OGDH: variants seen among roughly 807,000 people sequenced by gnomAD.
OGDH encodes the protein oxoglutarate dehydrogenase, also known as 2-oxoglutarate dehydrogenase complex component E1.
In OGDH, 38 loss-of-function variants were observed where a neutral mutation model predicts 116.6. That is an observed-to-expected ratio of 0.33 (90% confidence interval 0.25 to 0.43). The LOEUF (loss-of-function observed/expected upper bound fraction) is 0.43. OGDH is among the 20% of genes least tolerant of loss of function. The probability of loss-of-function intolerance (pLI) is 1.00; values close to 1 mark genes in which losing one functional copy is unlikely to be tolerated. For synonymous variants in OGDH, 488 were observed against 533.3 expected (o/e 0.92, Z 1.17); for missense variants, 825 against 1,357.2 (o/e 0.61, Z 6.16).
At chr7:44,633,185 G>A (rs990079477) in intron 2 of OGDH, among the ~76,000 whole-genome samples, 12 of 148,616 alleles carry the variant, frequency 8.1e-5, no homozygotes, top group African/African-American at 2.2e-4. Flanking sequence ...CCTGGGAGGC[G>A]GAGCTTTTAG....
intron 1 of OGDH, among the ~76,000 whole-genome samples, chr7:44,607,574 C>G (rs1784403188): frequency 6.6e-6 from 1 of 152,142 alleles, no homozygotes; most frequent in Non-Finnish European, 1.5e-5. Flanking sequence ...TAAGGCAGCA[C>G]TAGTTGCAAC....
In OGDH at chr7:44,675,326, G is replaced by A; in HGVS notation, c.1026+58G>A. 6 of 1,372,274 alleles carry A rather than the reference G, an allele frequency of 4.4e-6. No individual in the cohort carries two copies. In the South Asian group the frequency reaches 7.1e-5, roughly 16 times the overall value. The allele number at this position is 1,372,274 out of a possible 1,614,324, so 85.0% of individuals were successfully genotyped here. ...AGCCCCAACTTACACAAGACCCCTGGCTCCACTTCTTTCTTAGAATGACTT... is the reference window on the plus strand; with the variant it reads ...AGCCCCAACTTACACAAGACCCCTGACTCCACTTCTTTCTTAGAATGACTT... On this transcript the variant is annotated intron_variant, in intron 8 of 22. Transcript: ENST00000222673.
intron 2 of OGDH, among the ~76,000 whole-genome samples, chr7:44,635,295 A>G (rs1283748164): frequency 6.6e-6 from 1 of 152,192 alleles, no homozygotes; most frequent in Non-Finnish European, 1.5e-5. Context: ...GTTGATATTT[A>G]TAGCAATTAA....
chr7:44,607,178 C>T (rs1254964887), intron 1 of OGDH, among the ~76,000 whole-genome samples: 1 of 152,200 alleles, frequency 6.6e-6, no homozygotes, highest in African/African-American at 2.4e-5. Flanking sequence ...TTGGGGTGGC[C>T]CTGGGTGGGA....
At chr7:44,626,790 G>A (rs1785224637) in intron 2 of OGDH, among the ~76,000 whole-genome samples, 1 of 152,114 alleles carries the variant, frequency 6.6e-6, no homozygotes, top group Non-Finnish European at 1.5e-5. Context: ...GGCACAGTGT[G>A]GGAATCACAT....
intron 4 of OGDH, among the ~76,000 whole-genome samples, chr7:44,650,523 A>T (rs185003721): frequency 1.3e-5 from 2 of 152,180 alleles, no homozygotes; most frequent in Admixed American, 6.5e-5. Flanking sequence ...GACCTTAACT[A>T]TGCTCCAAGT....
intron 10 of OGDH, among the ~76,000 whole-genome samples, chr7:44,689,524 C>T (rs1788285400): frequency 6.6e-6 from 1 of 150,464 alleles, no homozygotes; most frequent in Non-Finnish European, 1.5e-5. Context: ...CACACATGAG[C>T]CACCGCACCC....
rs778413428 is a variant in OGDH, at chr7:44,707,587, G to A, written c.2802G>A (p.Ser934=). 63 of 1,613,656 alleles carry A rather than the reference G, an allele frequency of 3.9e-5. No individual in the cohort carries two copies. The highest frequency in any genetic ancestry group is 5.1e-5 in the Non-Finnish European group (60 of 1,180,014). Reference sequence around the variant, plus strand: ...TGACCCCTGCTGTCTCCTAGCTGTCGCCATTCCCCTTTGACCTCCTGCTGA... The same window carrying A: ...TGACCCCTGCTGTCTCCTAGCTGTCACCATTCCCCTTTGACCTCCTGCTGA... ...QVAITRIEQL[S]PFPFDLLLKE... Residue 934 remains serine (S), a synonymous_variant, in exon 22 of 23, where the codon TCG becomes TCA. Coordinates refer to ENST00000222673, the MANE Select transcript of OGDH (RefSeq NM_002541.4). The surrounding 1 kb of genome is among the most constrained non-coding windows in gnomAD (Gnocchi z 5.2).
At chr7:44,654,354 A>G (rs1562643850) in intron 4 of OGDH, among the ~76,000 whole-genome samples, 2 of 152,238 alleles carry the variant, frequency 1.3e-5, no homozygotes, top group Non-Finnish European at 2.9e-5. Context: ...CAAAATGTCA[A>G]CTACTTAGTT....
At chr7:44,683,923 A>G (rs1374556814) in intron 10 of OGDH, among the ~76,000 whole-genome samples, 2 of 152,196 alleles carry the variant, frequency 1.3e-5, no homozygotes, top group African/African-American at 4.8e-5. Flanking sequence ...GGTACCAGGC[A>G]GAGCACCGGT....
intron 4 of OGDH, among the ~76,000 whole-genome samples, chr7:44,660,347 T>C (rs904264811): frequency 6.6e-6 from 1 of 152,212 alleles, no homozygotes; most frequent in Non-Finnish European, 1.5e-5. Context: ...CTGGTCATTA[T>C]TGTATTCTTT....
At chr7:44,674,002 T>C in intron 6 of OGDH, 61 bp downstream of exon 6, 1 of 1,601,108 alleles carries the variant, frequency 6.2e-7, no homozygotes. Flanking sequence ...ACCCTGTCTG[T>C]GTTGATCGGG....
chr7:44,673,241 T>C (rs1787547553), intron 5 of OGDH, among the ~76,000 whole-genome samples: 1 of 151,996 alleles, frequency 6.6e-6, no homozygotes. Context: ...TCACTTGAGC[T>C]CAAGAGGTTG....
intron 4 of OGDH, among the ~76,000 whole-genome samples, chr7:44,654,384 C>A (rs568976426): frequency 2.0e-5 from 3 of 152,296 alleles, no homozygotes; most frequent in Admixed American, 6.5e-5. Context: ...CTCTGACAAC[C>A]TGCTGTCATT....
chr7:44,671,732 C>A (rs1354120366), intron 5 of OGDH, among the ~76,000 whole-genome samples: 8 of 138,256 alleles, frequency 5.8e-5, no homozygotes, highest in Non-Finnish European at 9.2e-5. Flanking sequence ...TGCACCACTG[C>A]ACTCCAGTCT....
intron 4 of OGDH, among the ~76,000 whole-genome samples, chr7:44,660,803 C>T (rs1304213494): frequency 6.6e-6 from 1 of 152,158 alleles, no homozygotes; most frequent in Non-Finnish European, 1.5e-5. Context: ...TCGCGCGTGC[C>T]TGTAGTCCTA....
At chr7:44,619,964 A>G (rs2117268365) in intron 1 of OGDH, among the ~76,000 whole-genome samples, 1 of 152,174 alleles carries the variant, frequency 6.6e-6, no homozygotes, top group South Asian at 2.1e-4. Context: ...AATTGCAAAT[A>G]TTTTCTCCCA....
chr7:44,708,237 G>C lies in OGDH; in HGVS notation c.*238G>C, dbSNP rs1208047171. On this transcript the variant is annotated 3_prime_UTR_variant, in exon 23 of 23. Coordinates refer to ENST00000222673, the MANE Select transcript of OGDH (RefSeq NM_002541.4). ...TCTGAGCAGTTTTCCAGGAGGCCGG[G>C]GGGAGCAGGAGGAGGAAAGGTAGCC... The C allele has an allele frequency of 5.9e-6, 3 of 506,066 alleles. No individual in the cohort carries two copies. Among genetic ancestry groups the C allele is most frequent in the African/African-American group, 3.9e-5 (2 of 51,318 alleles). 31.3% of individuals were successfully genotyped at this position (506,066 alleles called of 1,614,324 possible).
intron 4 of OGDH, among the ~76,000 whole-genome samples, chr7:44,653,939 C>G (rs1261204135): frequency 6.6e-6 from 1 of 152,192 alleles, no homozygotes; most frequent in Non-Finnish European, 1.5e-5. Flanking sequence ...ACTGCAACCT[C>G]TGCCTCCCAG....
Sources: gnomAD v4.1 joint callset for allele counts (sites outside exome capture counted in the v4.1 genomes callset) on GRCh38, gnomAD v4.1.1 for gene constraint, Gnocchi (gnomAD v3.1) non-coding constraint, MANE v1.5 for transcripts, NCBI Gene and HGNC (gene_info 2026-07-23, HGNC 2026-07-21) for gene names.